The following TMEM177 variants were observed in gnomAD, a reference collection of about 807,000 sequenced individuals.
TMEM177 encodes the protein transmembrane protein 177.
A neutral mutation model predicts 14.2 loss-of-function variants in TMEM177; 4 were observed. That is an observed-to-expected ratio of 0.28 (90% CI 0.14 to 0.64). TMEM177 has a LOEUF of 0.64. Among genes scored for constraint, TMEM177 ranks in the 30% least tolerant of loss-of-function variants. The pLI is 0.82. For synonymous variants in TMEM177, 179 were observed against 174.5 expected, an observed-to-expected ratio of 1.03 and a Z score of -0.20; for missense variants, 344 against 405.2, an observed-to-expected ratio of 0.85 and a Z score of 1.30.
chr2:119,701,322 G>A, the TMEM177 span, among the ~76,000 whole-genome samples: 1 of 152,212 alleles, frequency 6.6e-6, no homozygotes, highest in Non-Finnish European at 1.5e-5. Context: ...GCAAAAGAGA[G>A]GAAGTTGAGC....
chr2:119,708,250 A>T, the TMEM177 span, among the ~76,000 whole-genome samples: 2 of 152,096 alleles, frequency 1.3e-5, no homozygotes, highest in African/African-American at 4.8e-5. Context: ...CCAAACACCC[A>T]TCTCTTAGCT....
the TMEM177 span, among the ~76,000 whole-genome samples, chr2:119,713,391 G>A: frequency 6.6e-6 from 1 of 152,256 alleles, no homozygotes; most frequent in African/African-American, 2.4e-5. Context: ...CATTGGTGGG[G>A]AGAGCTGGAG....
the TMEM177 span, among the ~76,000 whole-genome samples, chr2:119,693,687 C>T: frequency 6.6e-6 from 1 of 152,124 alleles, no homozygotes; most frequent in Non-Finnish European, 1.5e-5. Context: ...CCTCTCAAGC[C>T]CATGCAGCCT....
the TMEM177 span, among the ~76,000 whole-genome samples, chr2:119,713,314 C>T: frequency 3.9e-5 from 6 of 152,142 alleles, no homozygotes; most frequent in African/African-American, 1.2e-4. Flanking sequence ...GTGATCTGCC[C>T]GCCTCAGCCT....
downstream of TMEM177, among the ~76,000 whole-genome samples, chr2:119,683,868 C>A (rs1018213034): frequency 1.3e-5 from 2 of 152,176 alleles, no homozygotes; most frequent in Non-Finnish European, 1.5e-5. Flanking sequence ...CCACTGAGAG[C>A]CCCCCTGGCA....
chr2:119,712,373 C>G, the TMEM177 span, among the ~76,000 whole-genome samples: 184 of 152,130 alleles, frequency 1.2e-3, no homozygotes, highest in African/African-American at 4.3e-3. Context: ...GAAGCCTGAA[C>G]CCCCAGTATC....
At chr2:119,706,054 T>C in the TMEM177 span, among the ~76,000 whole-genome samples, 1 of 110,034 alleles carries the variant, frequency 9.1e-6, no homozygotes, top group Non-Finnish European at 2.1e-5. Flanking sequence ...AGGCAGAGTC[T>C]CGCTCTGTCA....
At chr2:119,704,639 T>A in the TMEM177 span, among the ~76,000 whole-genome samples, 1 of 151,952 alleles carries the variant, frequency 6.6e-6, no homozygotes, top group Non-Finnish European at 1.5e-5. Flanking sequence ...AGGAGGAAGG[T>A]AGCTTGATAA....
chr2:119,696,357 A>G, the TMEM177 span, among the ~76,000 whole-genome samples: 1 of 152,090 alleles, frequency 6.6e-6, no homozygotes, highest in African/African-American at 2.4e-5. Flanking sequence ...TGGTATTATC[A>G]TTTGTCACGG....
chr2:119,713,378 T>G, the TMEM177 span, among the ~76,000 whole-genome samples: 44 of 152,232 alleles, frequency 2.9e-4, no homozygotes, highest in South Asian at 9.1e-3. Flanking sequence ...TGATAATGGT[T>G]TTCATTGGTG....
the TMEM177 span, chr2:119,700,092 GT>G: frequency 3.9e-6 from 1 of 256,394 alleles, no homozygotes; most frequent in South Asian, 6.6e-5. Flanking sequence ...AGAAGAGGAG[GT>G]TGCCCAGAAG....
At chr2:119,684,111 C>T (rs528546679), downstream of TMEM177, among the ~76,000 whole-genome samples, 2 of 152,298 alleles carry the variant, frequency 1.3e-5, no homozygotes, top group African/African-American at 2.4e-5. Context: ...TGCTTTCTGG[C>T]GAAAACCGCA....
chr2:119,699,226 C>G, the TMEM177 span: 1 of 153,870 alleles, frequency 6.5e-6, no homozygotes, highest in East Asian at 1.9e-4. Flanking sequence ...ACGTTCATGG[C>G]AGAAGGCGAA....
chr2:119,704,948 T>C, the TMEM177 span, among the ~76,000 whole-genome samples: 1 of 152,156 alleles, frequency 6.6e-6, no homozygotes, highest in African/African-American at 2.4e-5. Context: ...CCCCTTCCTG[T>C]CCCTTCAACC....
At chr2:119,710,346 A>G in the TMEM177 span, among the ~76,000 whole-genome samples, 1 of 152,334 alleles carries the variant, frequency 6.6e-6, no homozygotes, top group East Asian at 1.9e-4. Context: ...GAGGCACTGC[A>G]AGAGAATTCC....
rs1230097428 is a variant in TMEM177, at chr2:119,681,665, T to C, written c.812T>C (p.Leu271Pro). 2 of 1,614,210 alleles carry C rather than the reference T, an allele frequency of 1.2e-6. No homozygotes were observed. Among genetic ancestry groups the C allele is most frequent in the East Asian group, 2.2e-5 (1 of 44,870 alleles). ...RSLLGKDGEK[L>P]YTPSGNIVPR... ...CTCTTGGGCAAAGACGGGGAGAAGC[T>C]GTATACACCCAGCGGGAACATCGTC... The change falls in exon 2 of 2, where the codon CTG (leucine) becomes CCG (proline). Residue 271 changes from leucine to proline, a missense_variant. Leu to Pro is a moderately conservative substitution (Grantham distance 98, BLOSUM62 -3). Transcript: ENST00000272521.
At chr2:119,688,492 C>G (rs541986175), downstream of TMEM177, among the ~76,000 whole-genome samples, 1 of 152,204 alleles carries the variant, frequency 6.6e-6, no homozygotes, top group Non-Finnish European at 1.5e-5. Context: ...ACCTTTGCTA[C>G]TGGGCCCCAA....
the TMEM177 span, among the ~76,000 whole-genome samples, chr2:119,712,805 G>C: frequency 6.6e-6 from 1 of 152,176 alleles, no homozygotes; most frequent in East Asian, 1.9e-4. Context: ...AGCCTGGACT[G>C]CTCCCACCAC....
chr2:119,690,177 G>A (rs1689072663), downstream of TMEM177, among the ~76,000 whole-genome samples: 1 of 152,182 alleles, frequency 6.6e-6, no homozygotes, highest in African/African-American at 2.4e-5. Flanking sequence ...TAATGGTTTA[G>A]CACTGTCCCC....
Sources: gnomAD v4.1 joint callset for allele counts (sites outside exome capture counted in the v4.1 genomes callset) on GRCh38, gnomAD v4.1.1 for gene constraint, MANE v1.5 for transcripts, NCBI Gene and HGNC (gene_info 2026-07-23, HGNC 2026-07-21) for gene names.